Variants in CUL4B observed in about 807,000 individuals in gnomAD.
CUL4B encodes the protein cullin-4B.
In CUL4B, 1 loss-of-function variant was observed where a neutral mutation model predicts 69.2. That is an observed-to-expected ratio of 0.01 (90% CI 0.01 to 0.07). The LOEUF (loss-of-function observed/expected upper bound fraction) is 0.07. Ranked by LOEUF, CUL4B falls within the 10% of genes least tolerant of loss-of-function variation. CUL4B has a pLI of 1.00. For missense variants in CUL4B, 328 were observed against 638.8 expected, an observed-to-expected ratio of 0.51 and a Z score of 5.24; for synonymous variants, 237 against 223.2, an observed-to-expected ratio of 1.06 and a Z score of -0.55.
intron 17 of CUL4B, among the ~76,000 whole-genome samples, chrX:120,533,187 C>T (rs1439238039): frequency 1.8e-5 from 2 of 112,039 alleles, no homozygotes; most frequent in African/African-American, 3.2e-5. Flanking sequence ...CCGCTGCTTC[C>T]GCAGAGATGA....
chrX:120,574,875 TTTG>T (rs1925824690), intron 1 of CUL4B, among the ~76,000 whole-genome samples: 1 of 112,439 alleles, frequency 8.9e-6, no homozygotes, highest in African/African-American at 3.2e-5. Context: ...GGAAAACACA[TTTG>T]TTAAGATTCT....
chrX:120,534,378 C>A, intron 17 of CUL4B, 103 bp downstream of exon 17: 1 of 583,569 alleles, frequency 1.7e-6, no homozygotes, highest in African/African-American at 2.3e-5. Flanking sequence ...AAAAAAAAAA[C>A]TCAAAACAGT....
upstream of CUL4B, among the ~76,000 whole-genome samples, chrX:120,565,974 C>T (rs1043301889): frequency 2.8e-5 from 3 of 107,954 alleles, no homozygotes; most frequent in African/African-American, 1.0e-4. Context: ...ATGATCCGCC[C>T]GCCTCGGCCT....
intron 2 of CUL4B, among the ~76,000 whole-genome samples, chrX:120,550,055 T>C (rs1924599334): frequency 1.8e-5 from 2 of 111,756 alleles, no homozygotes; most frequent in Admixed American, 9.5e-5. Flanking sequence ...ATTCCCTTAC[T>C]ACTCAATTAG....
intron 2 of CUL4B, among the ~76,000 whole-genome samples, chrX:120,548,173 C>G (rs1415544178): frequency 9.0e-6 from 1 of 111,285 alleles, no homozygotes; most frequent in East Asian, 2.8e-4. Flanking sequence ...ATTTAGGAGG[C>G]TGAGGCAGGA....
intron 2 of CUL4B, among the ~76,000 whole-genome samples, chrX:120,553,161 CA>C (rs771761489): frequency 9.0e-6 from 1 of 111,586 alleles, no homozygotes; most frequent in East Asian, 2.8e-4. Context: ...TAAAAAACAG[CA>C]ACAATAGTAC....
chrX:120,556,029 C>G (rs921907517), intron 2 of CUL4B, among the ~76,000 whole-genome samples: 4 of 108,203 alleles, frequency 3.7e-5, no homozygotes, highest in Non-Finnish European at 7.6e-5. Context: ...TGAGATAATA[C>G]GAGATGAATC....
intron 5 of CUL4B, among the ~76,000 whole-genome samples, chrX:120,545,061 G>GAT (rs1331689414): frequency 1.8e-5 from 2 of 112,137 alleles, no homozygotes; most frequent in Non-Finnish European, 3.8e-5. Context: ...GTAGGCAGAT[G>GAT]ATAGGTACAT....
upstream of CUL4B, among the ~76,000 whole-genome samples, chrX:120,563,208 G>A (rs973433227): frequency 2.7e-5 from 3 of 111,815 alleles, no homozygotes; most frequent in African/African-American, 9.8e-5. Flanking sequence ...ACTCCTATCT[G>A]TTTTGAATAT....
upstream of CUL4B, among the ~76,000 whole-genome samples, chrX:120,565,880 C>T (rs1307394216): frequency 9.5e-5 from 10 of 104,957 alleles, no homozygotes; most frequent in African/African-American, 3.4e-4. Context: ...CGCCTACCAC[C>T]ACGCCCAGCT....
At chrX:120,561,311 C>T, upstream of CUL4B, 1 of 553,303 alleles carries the variant, frequency 1.8e-6, no homozygotes, top group Non-Finnish European at 3.3e-6. Context: ...CCTGGCCCAC[C>T]GGGAACTCCC....
At chrX:120,558,087 G>T in intron 1 of CUL4B, 48 bp from the exon 2 acceptor site, 2 of 756,158 alleles carry the variant, frequency 2.6e-6, no homozygotes, top group African/African-American at 2.0e-5. Context: ...GTCAGATACA[G>T]TAACCAAAGA....
At chrX:120,556,991 A>C (rs1451654782) in intron 2 of CUL4B, among the ~76,000 whole-genome samples, 3 of 107,501 alleles carry the variant, frequency 2.8e-5, no homozygotes, top group African/African-American at 1.0e-4. Context: ...GGCTCACCGC[A>C]ACCTCTACCT....
At position 120,532,600 on chromosome X, in the gene CUL4B, G is replaced by A. The variant is rs1432104551; in HGVS notation, c.2267-6C>T. On this transcript the variant is annotated splice_polypyrimidine_tract_variant and splice_region_variant and intron_variant, in intron 17 of 19. Coordinates refer to ENST00000371322, the MANE Select transcript of CUL4B (RefSeq NM_001079872.2). The stretch of plus-strand genomic sequence containing the variant: ...TCTCCTTAACTCTCCATCCTCTGAA[G>A]AAGAAACAGAGGTTTAGTTATTTGT... 1.7e-6 allele frequency: 2 copies of A among 1,196,262 alleles called. No individual in the cohort carries two copies. The highest frequency in any genetic ancestry group is 3.5e-5 in the South Asian group (2 of 56,712).
intron 2 of CUL4B, among the ~76,000 whole-genome samples, chrX:120,550,317 A>T (rs1268418050): frequency 1.8e-5 from 2 of 112,538 alleles, no homozygotes; most frequent in Non-Finnish European, 3.8e-5. Flanking sequence ...GCTTTGAACC[A>T]AGTGAATACA....
chrX:120,547,168 A>G lies in CUL4B; in HGVS notation c.744T>C (p.Asp248=), dbSNP rs200413217. 9 of 1,203,751 alleles carry G rather than the reference A, an allele frequency of 7.5e-6. No individual in the cohort carries two copies. The East Asian group carries it at 2.7e-4, about 36-fold the overall frequency. ...ATTGATGAATCTGTGCTTTGATGTG[A>G]TCTTCGCAGATCTGTCTCAGCTGTT... ...LYKQLRQICE[D]HIKAQIHQFR... is the part of the protein sequence containing the mutation. Residue 248 remains aspartate (D), a synonymous_variant, in exon 3 of 20, where the codon GAT becomes GAC. Coordinates refer to ENST00000371322, the MANE Select transcript of CUL4B (RefSeq NM_001079872.2).
At chrX:120,569,848 A>C (rs928647379), downstream of CUL4B, among the ~76,000 whole-genome samples, 5 of 111,189 alleles carry the variant, frequency 4.5e-5, no homozygotes, top group Admixed American at 4.8e-4. Flanking sequence ...TAAATCCCCG[A>C]GAGTGAGTGG....
rs766568315 is a variant in CUL4B, at chrX:120,560,758, C to A, written c.-120G>T. The A allele has an allele frequency of 4.9e-6, 5 of 1,014,624 alleles. No homozygotes were observed. Among genetic ancestry groups the A allele is most frequent in the Non-Finnish European group, 6.3e-6 (5 of 798,619 alleles). 83.6% of individuals were successfully genotyped at this position (1,014,624 alleles called of 1,213,427 possible). On this transcript the variant is annotated 5_prime_UTR_variant, in exon 1 of 20. Coordinates refer to ENST00000371322, the MANE Select transcript of CUL4B (RefSeq NM_001079872.2). ...AAGGGAAGAAAGAAGAGAGGAGAAA[C>A]ACAGAGGACGAGAAGGAAAGTGAAG...
At chrX:120,565,756 C>G (rs1407483485), upstream of CUL4B, among the ~76,000 whole-genome samples, 1 of 84,462 alleles carries the variant, frequency 1.2e-5, no homozygotes, top group Non-Finnish European at 2.3e-5. Context: ...GACAGTGTCT[C>G]GCTCTGTCAC....
Sources: gnomAD v4.1 joint callset for allele counts (sites outside exome capture counted in the v4.1 genomes callset) on GRCh38, gnomAD v4.1.1 for gene constraint, MANE v1.5 for transcripts, NCBI Gene and HGNC (gene_info 2026-07-23, HGNC 2026-07-21) for gene names.